RGS17: variants seen among roughly 807,000 people sequenced by gnomAD.
The protein encoded by RGS17 is regulator of G-protein signaling 17.
In RGS17, 12 loss-of-function variants were observed where a neutral mutation model predicts 25.5. The observed-to-expected ratio is 0.47, with a 90% confidence interval of 0.30 to 0.76. The LOEUF (loss-of-function observed/expected upper bound fraction) is 0.76. RGS17 is among the 30% of genes least tolerant of loss of function. The pLI is 0.07. For synonymous variants in RGS17, 71 were observed against 76.9 expected, an observed-to-expected ratio of 0.92 and a Z score of 0.40; for missense variants, 196 against 242.2, an observed-to-expected ratio of 0.81 and a Z score of 1.27.
At chr6:153,101,776 G>A (rs980734609) in intron 1 of RGS17, among the ~76,000 whole-genome samples, 3 of 110,274 alleles carry the variant, frequency 2.7e-5, no homozygotes, top group African/African-American at 1.2e-4. Context: ...GAAAGTATGT[G>A]GTACTTCCCC....
In RGS17 at chr6:153,066,015, A is replaced by G. The variant is rs150472057; in HGVS notation, c.-25-21972T>C. On this transcript the variant is annotated intron_variant, in intron 1 of 4. Coordinates refer to ENST00000206262, the MANE Select transcript of RGS17 (RefSeq NM_012419.5). ...AAAATTTGGTTTCTTGAAAAGTTAA[A>G]CAAAATAGGAAAACCTTTAGCTAGA... is the stretch of plus-strand genomic sequence containing the variant. Among the ~76,000 whole-genome samples, 3 of 152,282 alleles carry G rather than the reference A, an allele frequency of 2.0e-5. No homozygotes were observed. The East Asian group carries it at 5.8e-4, about 29-fold the overall frequency.
intron 1 of RGS17, among the ~76,000 whole-genome samples, chr6:153,090,623 T>A (rs1262368423): frequency 6.6e-6 from 1 of 151,526 alleles, no homozygotes; most frequent in African/African-American, 2.4e-5. Flanking sequence ...TGAGGCCTTG[T>A]CACAAAAAAA....
At chr6:153,098,853 A>C (rs1435751344) in intron 1 of RGS17, among the ~76,000 whole-genome samples, 2 of 152,192 alleles carry the variant, frequency 1.3e-5, no homozygotes, top group African/African-American at 4.8e-5. Flanking sequence ...TGAAATTGAC[A>C]TTATAAACCA....
At chr6:153,104,262 T>C (rs1001668268) in intron 1 of RGS17, among the ~76,000 whole-genome samples, 1 of 152,234 alleles carries the variant, frequency 6.6e-6, no homozygotes, top group African/African-American at 2.4e-5. Context: ...AACATGCTTA[T>C]AGAACTCGAT....
At chr6:153,113,034 T>C (rs1777495325) in intron 1 of RGS17, among the ~76,000 whole-genome samples, 1 of 152,162 alleles carries the variant, frequency 6.6e-6, no homozygotes, top group Admixed American at 6.5e-5. Context: ...AATAACCATC[T>C]AGCATCATAA....
At chr6:153,050,264 T>A (rs977010029) in intron 1 of RGS17, among the ~76,000 whole-genome samples, 2 of 152,132 alleles carry the variant, frequency 1.3e-5, no homozygotes, top group Non-Finnish European at 1.5e-5. Flanking sequence ...AAGCTTTTTT[T>A]TATATAGTTT....
At chr6:153,026,960 AT>A (rs1268900736) in intron 2 of RGS17, among the ~76,000 whole-genome samples, 1 of 152,102 alleles carries the variant, frequency 6.6e-6, no homozygotes, top group Non-Finnish European at 1.5e-5. Context: ...TTTTCCATTA[AT>A]TTTCCCCGAT....
At chr6:153,032,661 T>G (rs934697175) in intron 2 of RGS17, among the ~76,000 whole-genome samples, 2 of 152,212 alleles carry the variant, frequency 1.3e-5, no homozygotes, top group African/African-American at 4.8e-5. Context: ...CATTCAGTTT[T>G]TCGGTGAGTG....
At chr6:153,101,791 A>T (rs111669725) in intron 1 of RGS17, among the ~76,000 whole-genome samples, 4 of 150,120 alleles carry the variant, frequency 2.7e-5, no homozygotes, top group Admixed American at 6.7e-5. Context: ...TTCCCCCTTC[A>T]CTCTCTCTCT....
chr6:153,005,607 G>C lies in RGS17; in HGVS notation c.*5967C>G, dbSNP rs1779067008. On this transcript the variant is annotated 3_prime_UTR_variant, in exon 5 of 5. Coordinates refer to ENST00000206262, the MANE Select transcript of RGS17 (RefSeq NM_012419.5). ...GCATATACCTTTGATACCATGTGAT[G>C]AGCATGGCACTTTACCGTTGTGTTC... 6.6e-6 allele frequency: 1 copy of C among 152,178 alleles called. No individual in the cohort carries two copies. Among genetic ancestry groups the C allele is most frequent in the South Asian group, 2.1e-4 (1 of 4,824 alleles). The allele number at this position is 152,178 out of a possible 1,614,324, so 9.4% of individuals were successfully genotyped here.
At chr6:153,063,133 A>C (rs1369774522) in intron 1 of RGS17, among the ~76,000 whole-genome samples, 1 of 152,158 alleles carries the variant, frequency 6.6e-6, no homozygotes, top group East Asian at 1.9e-4. Flanking sequence ...GACTACAATA[A>C]ATACTTAACT....
chr6:153,025,126 A>G (rs1387184402), intron 3 of RGS17, among the ~76,000 whole-genome samples: 1 of 148,962 alleles, frequency 6.7e-6, no homozygotes, highest in African/African-American at 2.5e-5. Context: ...CCTGGGAAAC[A>G]TAGCAAGATC....
intron 1 of RGS17, among the ~76,000 whole-genome samples, chr6:153,075,296 T>C (rs1457584784): frequency 2.0e-5 from 3 of 152,202 alleles, no homozygotes; most frequent in African/African-American, 7.2e-5. Context: ...GCATCTGAAC[T>C]AGGGAGAATT....
intron 4 of RGS17, among the ~76,000 whole-genome samples, chr6:153,020,415 A>C (rs1218875612): frequency 6.6e-6 from 1 of 151,562 alleles, no homozygotes; most frequent in Non-Finnish European, 1.5e-5. Flanking sequence ...GGCCTCCCAA[A>C]GTGCTGGGAT....
At chr6:153,074,803 A>G (rs529741826) in intron 1 of RGS17, among the ~76,000 whole-genome samples, 2 of 152,322 alleles carry the variant, frequency 1.3e-5, no homozygotes, top group African/African-American at 4.8e-5. Context: ...GGTATCAGAG[A>G]CAGATTATTT....
intron 1 of RGS17, among the ~76,000 whole-genome samples, chr6:153,112,422 T>C (rs1055169777): frequency 6.6e-6 from 1 of 152,104 alleles, no homozygotes; most frequent in Non-Finnish European, 1.5e-5. Flanking sequence ...TATGGGACTA[T>C]GGAAAAGACC....
chr6:153,099,330 G>A (rs1777261332), intron 1 of RGS17, among the ~76,000 whole-genome samples: 1 of 152,022 alleles, frequency 6.6e-6, no homozygotes, highest in Non-Finnish European at 1.5e-5. Context: ...GATAGCTTTA[G>A]GACTTTTAAT....
intron 1 of RGS17, among the ~76,000 whole-genome samples, chr6:153,127,154 C>T (rs1265034788): frequency 1.3e-5 from 2 of 152,174 alleles, no homozygotes; most frequent in Non-Finnish European, 2.9e-5. Flanking sequence ...GAATCTAATG[C>T]CAGCCGCTGA....
intron 1 of RGS17, among the ~76,000 whole-genome samples, chr6:153,075,764 T>A (rs1406905938): frequency 6.6e-6 from 1 of 152,160 alleles, no homozygotes; most frequent in Non-Finnish European, 1.5e-5. Flanking sequence ...GCATATGTGT[T>A]AAATGAGAAA....
Sources: gnomAD v4.1 joint callset for allele counts (sites outside exome capture counted in the v4.1 genomes callset) on GRCh38, gnomAD v4.1.1 for gene constraint, MANE v1.5 for transcripts, NCBI Gene and HGNC (gene_info 2026-07-23, HGNC 2026-07-21) for gene names.